WDR89: variants seen among roughly 807,000 people sequenced by gnomAD.
WDR89 encodes the protein WD repeat-containing protein 89.
WDR89 carries 17 observed loss-of-function variants against 29.1 expected under a neutral mutation model. The ratio of observed to expected loss-of-function variants is 0.58; its 90% CI spans 0.40 to 0.88. The LOEUF (loss-of-function observed/expected upper bound fraction) is 0.88, where lower values mean the gene tolerates loss of function less well. Among genes scored for constraint, WDR89 ranks in the 40% least tolerant of loss-of-function variants. The pLI is 0.00. For synonymous variants in WDR89, 138 were observed against 157.8 expected, an observed-to-expected ratio of 0.87 and a Z score of 0.94; for missense variants, 396 against 456.3, an observed-to-expected ratio of 0.87 and a Z score of 1.20.
intron 2 of WDR89, among the ~76,000 whole-genome samples, chr14:63,600,509 A>C (rs2139484175): frequency 6.6e-6 from 1 of 152,098 alleles, no homozygotes; most frequent in Admixed American, 6.5e-5. Flanking sequence ...AAGAAAAAAA[A>C]AATGCTGAAT....
At chr14:63,607,353 C>T (rs938000003) in intron 2 of WDR89, among the ~76,000 whole-genome samples, 15 of 151,858 alleles carry the variant, frequency 9.9e-5, no homozygotes, top group African/African-American at 3.1e-4. Context: ...TTAGTAGAGA[C>T]GGGGTTTCAC....
intron 2 of WDR89, among the ~76,000 whole-genome samples, chr14:63,620,769 G>C (rs929999884): frequency 6.6e-6 from 1 of 151,800 alleles, no homozygotes; most frequent in Non-Finnish European, 1.5e-5. Context: ...ATGGTGGCAA[G>C]TACCTGTAGT....
intron 1 of WDR89, among the ~76,000 whole-genome samples, chr14:63,625,699 T>TA (rs1882989759): frequency 6.6e-6 from 1 of 152,122 alleles, no homozygotes; most frequent in African/African-American, 2.4e-5. Flanking sequence ...AAAAGTTCAC[T>TA]GAGCTCTACC....
chr14:63,634,767 G>T (rs1416886527), intron 1 of WDR89, among the ~76,000 whole-genome samples: 1 of 152,054 alleles, frequency 6.6e-6, no homozygotes, highest in Non-Finnish European at 1.5e-5. Flanking sequence ...TACTTGGGAA[G>T]GCTGAGGCAG....
chr14:63,607,931 G>A (rs140368886), intron 2 of WDR89, among the ~76,000 whole-genome samples: 4 of 150,424 alleles, frequency 2.7e-5, no homozygotes, highest in East Asian at 3.9e-4. Context: ...CAGGCCGGGC[G>A]CAGCAGTGGC....
Position 63,598,484 on chromosome 14 carries a change from C to T in WDR89, c.*295G>A. The T allele has an allele frequency of 4.7e-6, 1 of 211,442 alleles. No homozygotes were observed. The highest frequency in any genetic ancestry group is 1.1e-4 in the East Asian group (1 of 9,222). The allele number at this position is 211,442 out of a possible 1,614,324, so 13.1% of individuals were successfully genotyped here. ...TTTATTAAGTTTTACCAAGTATTTC[C>T]TTCTAAAAAGTCCTTATCGGAGCTA... is the stretch of plus-strand genomic sequence containing the variant. On this transcript the variant is annotated 3_prime_UTR_variant, in exon 3 of 3. Coordinates refer to ENST00000620954, the MANE Select transcript of WDR89 (RefSeq NM_080666.4).
At chr14:63,606,684 T>C (rs1046048695) in intron 2 of WDR89, among the ~76,000 whole-genome samples, 4 of 152,194 alleles carry the variant, frequency 2.6e-5, no homozygotes, top group Admixed American at 6.5e-5. Flanking sequence ...CCATTTCTCA[T>C]TGTTAGGCAA....
At chr14:63,641,668 G>A (rs1374357488) in intron 1 of WDR89, 136 bp downstream of exon 1, 1 of 152,474 alleles carries the variant, frequency 6.6e-6, no homozygotes, top group Non-Finnish European at 1.5e-5. Flanking sequence ...ACTCCGTCCA[G>A]ACCTCCCACT....
At chr14:63,627,943 T>C (rs1883173219) in intron 1 of WDR89, among the ~76,000 whole-genome samples, 1 of 152,118 alleles carries the variant, frequency 6.6e-6, no homozygotes, top group Non-Finnish European at 1.5e-5. Context: ...TTTGATTAAA[T>C]TTCTCTAATA....
intron 2 of WDR89, among the ~76,000 whole-genome samples, chr14:63,607,204 C>A (rs925881165): frequency 1.4e-4 from 21 of 152,048 alleles, no homozygotes; most frequent in African/African-American, 4.6e-4. Flanking sequence ...GCTCTGTTGC[C>A]CAGGCTGGAC....
intron 2 of WDR89, among the ~76,000 whole-genome samples, chr14:63,615,215 C>G (rs182112926): frequency 2.0e-5 from 3 of 152,168 alleles, no homozygotes; most frequent in Non-Finnish European, 2.9e-5. Flanking sequence ...TCACCCTTTA[C>G]GGTAATTCCA....
At chr14:63,629,007 C>CA (rs907724712) in intron 1 of WDR89, among the ~76,000 whole-genome samples, 2 of 152,130 alleles carry the variant, frequency 1.3e-5, no homozygotes, top group African/African-American at 4.8e-5. Context: ...TCTTATTAGT[C>CA]AAAGTTTGAA....
At chr14:63,611,711 A>T (rs994689799) in intron 2 of WDR89, among the ~76,000 whole-genome samples, 28 of 151,656 alleles carry the variant, frequency 1.8e-4, no homozygotes, top group South Asian at 8.3e-4. Flanking sequence ...CCAAAAAAAA[A>T]TTTTTTTTAA....
At chr14:63,631,156 A>C (rs1399297592) in intron 1 of WDR89, among the ~76,000 whole-genome samples, 1 of 152,130 alleles carries the variant, frequency 6.6e-6, no homozygotes, top group Non-Finnish European at 1.5e-5. Context: ...ACACTAATTA[A>C]CTTGATTTGA....
chr14:63,638,732 A>G (rs1381992947), intron 1 of WDR89, among the ~76,000 whole-genome samples: 1 of 152,238 alleles, frequency 6.6e-6, no homozygotes, highest in Non-Finnish European at 1.5e-5. Flanking sequence ...CACAGTAATA[A>G]GAAAGTCTAA....
At chr14:63,603,269 C>CAT (rs1895163096) in intron 2 of WDR89, among the ~76,000 whole-genome samples, 1 of 152,074 alleles carries the variant, frequency 6.6e-6, no homozygotes, top group Admixed American at 6.6e-5. Context: ...TCTCTACACA[C>CAT]ACACACACAC....
At chr14:63,620,004 C>CAAAAA (rs71120271) in intron 2 of WDR89, among the ~76,000 whole-genome samples, 17 of 72,388 alleles carry the variant, frequency 2.3e-4, no homozygotes, top group East Asian at 6.6e-4. Context: ...GACTCCATCT[C>CAAAAA]AAAAAAAAAA....
chr14:63,605,930 A>C (rs918156876), intron 2 of WDR89, among the ~76,000 whole-genome samples: 1 of 152,204 alleles, frequency 6.6e-6, no homozygotes, highest in Non-Finnish European at 1.5e-5. Flanking sequence ...CAGTGGGATA[A>C]GACATGGAGT....
chr14:63,620,441 T>C (rs1384377694), intron 2 of WDR89, among the ~76,000 whole-genome samples: 1 of 152,052 alleles, frequency 6.6e-6, no homozygotes, highest in Non-Finnish European at 1.5e-5. Context: ...AGACAGTAGA[T>C]AGGTAGTTAA....
Sources: allele counts gnomAD v4.1 joint callset (sites outside exome capture counted in the v4.1 genomes callset), GRCh38; gene constraint gnomAD v4.1.1; transcripts MANE v1.5; gene names NCBI Gene and HGNC (gene_info 2026-07-23, HGNC 2026-07-21).